Variants in CDKL5 observed in about 807,000 individuals in gnomAD.
The protein encoded by CDKL5 is cyclin dependent kinase like 5, also known as cyclin-dependent kinase-like 5.
A neutral mutation model predicts 61.7 loss-of-function variants in CDKL5; 8 were observed. The ratio of observed to expected loss-of-function variants is 0.13; its 90% CI spans 0.08 to 0.23. The LOEUF (loss-of-function observed/expected upper bound fraction) is 0.23, where lower values mean the gene tolerates loss of function less well. CDKL5 is among the 10% of genes least tolerant of loss of function. The pLI is 1.00. For missense variants in CDKL5, 440 were observed against 734.5 expected (o/e 0.60, Z 4.63); for synonymous variants, 275 against 272.3 (o/e 1.01, Z -0.10).
At chrX:18,517,671 A>C (rs1023420548) in intron 3 of CDKL5, among the ~76,000 whole-genome samples, 1 of 111,320 alleles carries the variant, frequency 9.0e-6, no homozygotes, top group African/African-American at 3.3e-5. Context: ...ATGAACAAAT[A>C]CCTATATAGT....
At chrX:18,611,421 C>G (rs1483119867) in intron 14 of CDKL5, among the ~76,000 whole-genome samples, 1 of 91,329 alleles carries the variant, frequency 1.1e-5, no homozygotes, top group African/African-American at 4.2e-5. Flanking sequence ...GGCGACAGAG[C>G]AAGACTCCGT....
At chrX:18,443,641 T>C (rs1428836039) in intron 1 of CDKL5, among the ~76,000 whole-genome samples, 1 of 111,644 alleles carries the variant, frequency 9.0e-6, no homozygotes, top group African/African-American at 3.3e-5. Context: ...GTCTTAGGGG[T>C]TTGTTGTACA....
At chrX:18,431,765 T>A (rs1342022042) in intron 1 of CDKL5, among the ~76,000 whole-genome samples, 2 of 111,305 alleles carry the variant, frequency 1.8e-5, no homozygotes, top group East Asian at 5.6e-4. Flanking sequence ...AACTCACCTT[T>A]TTAGTGTATG....
intron 3 of CDKL5, among the ~76,000 whole-genome samples, chrX:18,512,668 A>G (rs1569199328): frequency 9.0e-6 from 1 of 111,322 alleles, no homozygotes; most frequent in Admixed American, 9.6e-5. Flanking sequence ...AAGAATTTAA[A>G]ATAATAAATA....
chrX:18,653,625 A>G, exon 22 of CDKL5: 6 of 1,100,741 alleles, frequency 5.5e-6, no homozygotes, highest in Non-Finnish European at 7.4e-6. Flanking sequence ...TGAATCAACC[A>G]TTAACGCTGA....
chrX:18,649,814 G>A (rs887946247), intron 20 of CDKL5, among the ~76,000 whole-genome samples: 17 of 111,754 alleles, frequency 1.5e-4, no homozygotes, highest in African/African-American at 4.5e-4. Flanking sequence ...CCCCACCCGC[G>A]ACACCCCTCC....
chrX:18,530,899 A>G (rs1923621962), intron 3 of CDKL5, among the ~76,000 whole-genome samples: 1 of 111,691 alleles, frequency 9.0e-6, no homozygotes, highest in Admixed American at 9.5e-5. Flanking sequence ...TATTTTTCCT[A>G]GTCTGTTGTC....
At chrX:18,600,434 C>G (rs778267613) in intron 11 of CDKL5, among the ~76,000 whole-genome samples, 2 of 112,010 alleles carry the variant, frequency 1.8e-5, no homozygotes, top group Non-Finnish European at 3.8e-5. Flanking sequence ...TGGGGTTACT[C>G]TCAGTTCAGG....
At chrX:18,458,298 A>G (rs1309047750) in intron 1 of CDKL5, among the ~76,000 whole-genome samples, 2 of 111,029 alleles carry the variant, frequency 1.8e-5, no homozygotes, top group Non-Finnish European at 3.8e-5. Flanking sequence ...TAACTATAGT[A>G]TAATTTCTAA....
intron 3 of CDKL5, among the ~76,000 whole-genome samples, chrX:18,517,084 G>A (rs768859171): frequency 4.5e-5 from 5 of 111,711 alleles, no homozygotes; most frequent in African/African-American, 6.5e-5. Flanking sequence ...CAAGCCTCCT[G>A]TTTGCCTTTA....
intron 1 of CDKL5, among the ~76,000 whole-genome samples, chrX:18,462,262 C>G (rs898162375): frequency 1.8e-5 from 2 of 110,768 alleles, no homozygotes; most frequent in African/African-American, 6.6e-5. Context: ...TCAGTCGCAG[C>G]TGCAATATAT....
intron 1 of CDKL5, among the ~76,000 whole-genome samples, chrX:18,440,495 C>T (rs1045710370): frequency 2.7e-5 from 3 of 111,067 alleles, no homozygotes; most frequent in South Asian, 3.8e-4. Flanking sequence ...TTTTTTTAGA[C>T]GGAGTTTTGC....
chrX:18,471,536 C>CT (rs1404145296), intron 1 of CDKL5, among the ~76,000 whole-genome samples: 2 of 109,519 alleles, frequency 1.8e-5, no homozygotes, highest in African/African-American at 6.7e-5. Flanking sequence ...CCACACCCAG[C>CT]TAATGTTTGT....
Position 18,481,610 on chromosome X carries a change from G to A in CDKL5, c.-162-25325G>A, listed in dbSNP as rs191951629. 3.8e-5 allele frequency among the ~76,000 whole-genome samples: 4 copies of A among 105,402 alleles called. No individual in the cohort carries two copies. In the East Asian group the frequency reaches 1.2e-3, roughly 31 times the overall value. 91.5% of individuals were successfully genotyped at this position (105,402 alleles called of 115,157 possible). ...ACTCTTGGGCTCAAGTGATCTGCCCGGCCTGTCTCCCAAAGTGCTAGGATT... is the reference window on the plus strand; with the variant it reads ...ACTCTTGGGCTCAAGTGATCTGCCCAGCCTGTCTCCCAAAGTGCTAGGATT... On this transcript the variant is annotated intron_variant, in intron 1 of 17. Transcript: ENST00000623535.
intron 1 of CDKL5, among the ~76,000 whole-genome samples, chrX:18,452,674 A>G (rs1894685166): frequency 9.1e-6 from 1 of 109,594 alleles, no homozygotes; most frequent in Non-Finnish European, 1.9e-5. Flanking sequence ...CCTCAAGTGT[A>G]TGGTTCTCTA....
chrX:18,434,355 C>A (rs1294827567), intron 1 of CDKL5, among the ~76,000 whole-genome samples: 4 of 111,429 alleles, frequency 3.6e-5, no homozygotes, highest in Non-Finnish European at 7.5e-5. Flanking sequence ...GCAGGTAAAT[C>A]AATAACTCCT....
intron 4 of CDKL5, 116 bp from the exon 5 acceptor site, chrX:18,575,238 T>C (rs1049019324): frequency 5.0e-6 from 3 of 605,016 alleles, no homozygotes; most frequent in East Asian, 7.1e-5. Flanking sequence ...GTACTTCTTA[T>C]GCAGAAGTAC....
intron 3 of CDKL5, among the ~76,000 whole-genome samples, chrX:18,534,913 C>T (rs920904241): frequency 2.7e-5 from 3 of 112,270 alleles, no homozygotes; most frequent in African/African-American, 9.7e-5. Flanking sequence ...GGAGAAGGAG[C>T]GAGGAAGGTA....
At chrX:18,566,241 C>A (rs1235687558) in intron 4 of CDKL5, among the ~76,000 whole-genome samples, 1 of 111,764 alleles carries the variant, frequency 8.9e-6, no homozygotes, top group Non-Finnish European at 1.9e-5. Context: ...AACCTCCACT[C>A]CCCGGGCTCA....
Sources: gnomAD v4.1 joint callset for allele counts (sites outside exome capture counted in the v4.1 genomes callset) on GRCh38, gnomAD v4.1.1 for gene constraint, MANE v1.5 for transcripts, NCBI Gene and HGNC (gene_info 2026-07-23, HGNC 2026-07-21) for gene names.